ABTB2: variants seen among roughly 807,000 people sequenced by gnomAD.
ABTB2 encodes the protein ankyrin repeat and BTB domain containing 2.
ABTB2 carries 56 observed loss-of-function variants against 104.1 expected under a neutral mutation model. The ratio of observed to expected loss-of-function variants is 0.54; its 90% CI spans 0.43 to 0.67. The LOEUF (loss-of-function observed/expected upper bound fraction) is 0.67. Among genes scored for constraint, ABTB2 ranks in the 30% least tolerant of loss-of-function variants. The pLI is 0.00. For missense variants in ABTB2, 1,279 were observed against 1,407.7 expected (o/e 0.91, Z 1.46); for synonymous variants, 606 against 608.2 (o/e 1.00, Z 0.05).
chr11:34,345,280 A>T (rs1266979196), intron 1 of ABTB2, among the ~76,000 whole-genome samples: 1 of 152,158 alleles, frequency 6.6e-6, no homozygotes, highest in Admixed American at 6.5e-5. Flanking sequence ...ACCCACCAGG[A>T]ATGCTTGCTA....
rs935694967 is a variant in ABTB2 at position 34,154,577 on chromosome 11, T to C, written c.2766+124A>G. 13 of 1,039,842 alleles carry C rather than the reference T, an allele frequency of 1.3e-5. No individual in the cohort carries two copies. The African/African-American group carries it at 1.6e-4, about 13-fold the overall frequency. The allele number at this position is 1,039,842 out of a possible 1,614,324, so 64.4% of individuals were successfully genotyped here. On this transcript the variant is annotated intron_variant, in intron 15 of 16. Transcript: ENST00000435224. This position sits in a 1 kb window ranked among gnomAD's most constrained non-coding sequence, Gnocchi z 4.9. ...GCTCAGTGGTGTGCACAGTTCCTCT[T>C]TCTGGGAACTGCTCTTCCTGTCAGA...
At chr11:34,174,501 C>A (rs961145861) in intron 3 of ABTB2, among the ~76,000 whole-genome samples, 8 of 152,232 alleles carry the variant, frequency 5.3e-5, no homozygotes, top group African/African-American at 1.9e-4. Flanking sequence ...CCGCTCTGTG[C>A]CACCAGGGGA....
intron 1 of ABTB2, among the ~76,000 whole-genome samples, chr11:34,300,744 G>A (rs1266574271): frequency 1.3e-5 from 2 of 152,122 alleles, no homozygotes; most frequent in Admixed American, 6.5e-5. Flanking sequence ...CGAAGTCTTG[G>A]TACGCAATAA....
intron 1 of ABTB2, among the ~76,000 whole-genome samples, chr11:34,303,061 C>CCACAGAA (rs1276918296): frequency 6.6e-6 from 1 of 152,182 alleles, no homozygotes; most frequent in Non-Finnish European, 1.5e-5. Flanking sequence ...TAGGCAGAGG[C>CCACAGAA]CACAGAACAC....
chr11:34,253,247 C>G (rs1020488407), intron 1 of ABTB2, among the ~76,000 whole-genome samples: 1 of 152,224 alleles, frequency 6.6e-6, no homozygotes, highest in Non-Finnish European at 1.5e-5. Flanking sequence ...ACACTAGAGG[C>G]CTGGGATTCT....
At position 34,248,120 on chromosome 11, in the gene ABTB2, A is replaced by C. The variant is rs1180659891; in HGVS notation, c.884-43430T>G. Among the ~76,000 whole-genome samples, 13 of 123,092 alleles carry C rather than the reference A, an allele frequency of 1.1e-4. No homozygotes were observed. The South Asian group carries it at 2.3e-3, about 22-fold the overall frequency. The allele number at this position is 123,092 out of a possible 152,430, so 80.8% of individuals were successfully genotyped here. On this transcript the variant is annotated intron_variant, in intron 1 of 16. Transcript: ENST00000435224. ...TTAAAAAAAAAAAAAAAAAAAAAAA[A>C]AACAGGGTCTTGCCCTGTCACCCAG...
chr11:34,154,745 C>G lies in ABTB2; in HGVS notation c.2722G>C (p.Gly908Arg). The change falls in exon 15 of 17, where the codon GGA becomes CGA. Residue 908 changes from glycine (G) to arginine (R), a missense_variant. Transcript: ENST00000435224. The surrounding 1 kb of genome is among the most constrained non-coding windows in gnomAD (Gnocchi z 4.9). ...FQMMMQYLYY[G>R]GTESMEIPTT... ...GGGATCTCCATGGATTCTGTTCCTC[C>G]GTAGTACAGATACTGCATCATCATC... The G allele has an allele frequency of 6.2e-7, 1 of 1,614,136 alleles. No individual in the cohort carries two copies.
At chr11:34,283,182 T>C (rs1432454511) in intron 1 of ABTB2, among the ~76,000 whole-genome samples, 2 of 150,916 alleles carry the variant, frequency 1.3e-5, no homozygotes, top group South Asian at 2.1e-4. Flanking sequence ...CCTCCCAAAG[T>C]GCTGGGATTA....
At chr11:34,282,454 T>C (rs1854458235) in intron 1 of ABTB2, among the ~76,000 whole-genome samples, 1 of 152,200 alleles carries the variant, frequency 6.6e-6, no homozygotes, top group Admixed American at 6.5e-5. Flanking sequence ...AAAATATCTA[T>C]ATGCACATCA....
chr11:34,253,173 C>G (rs1565151875), intron 1 of ABTB2, among the ~76,000 whole-genome samples: 1 of 152,202 alleles, frequency 6.6e-6, no homozygotes, highest in Non-Finnish European at 1.5e-5. Context: ...TCTCCCATCT[C>G]ACACCCGTCC....
At chr11:34,327,116 G>A (rs894353522) in intron 1 of ABTB2, among the ~76,000 whole-genome samples, 5 of 152,028 alleles carry the variant, frequency 3.3e-5, no homozygotes, top group African/African-American at 1.2e-4. Flanking sequence ...AGGAGATAAT[G>A]GATTATGAGA....
At chr11:34,309,290 G>C (rs1030099901) in intron 1 of ABTB2, among the ~76,000 whole-genome samples, 12 of 152,320 alleles carry the variant, frequency 7.9e-5, no homozygotes, top group Middle Eastern at 3.4e-3. Flanking sequence ...CTTGTTGAAG[G>C]AAATTGAGTT....
At chr11:34,302,315 A>G (rs1854716704) in intron 1 of ABTB2, among the ~76,000 whole-genome samples, 1 of 152,256 alleles carries the variant, frequency 6.6e-6, no homozygotes, top group Admixed American at 6.5e-5. Flanking sequence ...GATTTATTTA[A>G]CCATTCTCAG....
intron 11 of ABTB2, among the ~76,000 whole-genome samples, chr11:34,160,668 C>CGTGT (rs756259233): frequency 1.3e-5 from 1 of 77,716 alleles, no homozygotes; most frequent in Non-Finnish European, 2.3e-5. Context: ...CACGCGCGCG[C>CGTGT]GTGTGTGTGT....
chr11:34,197,283 G>A (rs778187733), intron 3 of ABTB2, 42 bp downstream of exon 3: 2 of 1,601,214 alleles, frequency 1.2e-6, no homozygotes, highest in Non-Finnish European at 1.7e-6. Flanking sequence ...GCACGTTTGG[G>A]AGCACGTCCC....
intron 1 of ABTB2, among the ~76,000 whole-genome samples, chr11:34,222,781 A>G (rs2133051584): frequency 6.6e-6 from 1 of 152,258 alleles, no homozygotes; most frequent in South Asian, 2.1e-4. Flanking sequence ...GCCTACCCCG[A>G]AGGAGTCCTT....
intron 2 of ABTB2, among the ~76,000 whole-genome samples, chr11:34,198,463 A>ACG (rs67140955): frequency 2.0e-5 from 3 of 147,646 alleles, no homozygotes; most frequent in African/African-American, 8.0e-5. Flanking sequence ...ACAAAAAAAA[A>ACG]CAAAAACTTG....
chr11:34,316,569 C>T (rs1343946303), intron 1 of ABTB2, among the ~76,000 whole-genome samples: 12 of 152,164 alleles, frequency 7.9e-5, no homozygotes, highest in Non-Finnish European at 8.8e-5. Context: ...GTGTTTGTCG[C>T]AAATATTTCA....
chr11:34,195,717 TG>T (rs2133035249), intron 3 of ABTB2, among the ~76,000 whole-genome samples: 1 of 152,304 alleles, frequency 6.6e-6, no homozygotes, highest in African/African-American at 2.4e-5. Flanking sequence ...ACCTCTTTCT[TG>T]GTAGTGTGTG....
Sources: allele counts gnomAD v4.1 joint callset (sites outside exome capture counted in the v4.1 genomes callset), GRCh38; gene constraint gnomAD v4.1.1; non-coding constraint Gnocchi (gnomAD v3.1); transcripts MANE v1.5; gene names NCBI Gene and HGNC (gene_info 2026-07-23, HGNC 2026-07-21).